The following GPRIN2 variants were observed in gnomAD, a reference collection of about 807,000 sequenced individuals.
The protein encoded by GPRIN2 is G protein-regulated inducer of neurite outgrowth 2.
Under a neutral mutation model 0.3 loss-of-function variants are expected in GPRIN2, and 1 was observed. The ratio of observed to expected loss-of-function variants is 3.90; its 90% CI spans 1.39 to 18.51. GPRIN2 has a LOEUF of 18.51. GPRIN2 is among the 30% of genes most tolerant of loss of function. The pLI is 0.11. For missense variants in GPRIN2, 880 were observed against 604.2 expected, an observed-to-expected ratio of 1.46 and a Z score of -4.79; for synonymous variants, 361 against 258.6, an observed-to-expected ratio of 1.40 and a Z score of -3.80.
chr10:46,549,397 G>A lies in GPRIN2; in HGVS notation c.1340C>T (p.Pro447Leu), dbSNP rs1334370593. ...CGCGCCGGAGCAGCCGCAGCAGCTG[G>A]GGCGCCGCAGGGACTGCATGACAGC... ...LRAVMQSLRR[P>L]SCCGCSGAAP... Residue 447 changes from proline to leucine, a missense_variant, in exon 3 of 3, where the codon CCC (proline) becomes CTC (leucine). Pro to Leu is a moderately conservative substitution (Grantham distance 98). Transcript: ENST00000374314. The A allele has an allele frequency of 6.6e-7, 1 of 1,504,956 alleles. No homozygotes were observed. The allele number at this position is 1,504,956 out of a possible 1,614,324, so 93.2% of individuals were successfully genotyped here.
At chr10:46,551,921 G>A (rs751138462) in intron 2 of GPRIN2, among the ~76,000 whole-genome samples, 4 of 152,312 alleles carry the variant, frequency 2.6e-5, no homozygotes, top group African/African-American at 7.2e-5. Context: ...AGCCTGGCCT[G>A]TGGCCTGCTC....
chr10:46,552,264 G>C (rs1432654610), intron 2 of GPRIN2, among the ~76,000 whole-genome samples: 1 of 152,296 alleles, frequency 6.6e-6, no homozygotes, highest in African/African-American at 2.4e-5. Context: ...GGGTCAAAGT[G>C]TCTGGGCCAC....
chr10:46,556,755 AC>A (rs1202760915), upstream of GPRIN2, among the ~76,000 whole-genome samples: 1 of 152,186 alleles, frequency 6.6e-6, no homozygotes, highest in African/African-American at 2.4e-5. Flanking sequence ...GGAGCCTGCC[AC>A]CGCCCCGCCG....
chr10:46,543,962 GTT>G lies in GPRIN2; in HGVS notation c.*5396_*5397del, dbSNP rs55715829. On this transcript the variant is annotated 3_prime_UTR_variant, in exon 3 of 3. Coordinates refer to ENST00000374314, the MANE Select transcript of GPRIN2 (RefSeq NM_001385282.1). ...GGCCCACGTCACTTTGGTTTCGCTTGTTTTTTTTTTTAGTAAACATCAGCTTT... is the reference window on the plus strand; with the variant it reads ...GGCCCACGTCACTTTGGTTTCGCTTGTTTTTTTTTAGTAAACATCAGCTTT... Among the ~76,000 whole-genome samples, 1 of 151,928 alleles carries G rather than the reference GTT, an allele frequency of 6.6e-6. No homozygotes were observed. The highest frequency in any genetic ancestry group is 2.4e-5 in the African/African-American group (1 of 41,308).
Position 46,547,626 on chromosome 10 carries a change from C to T in GPRIN2, c.*1734G>A, listed in dbSNP as rs1842285804. On this transcript the variant is annotated 3_prime_UTR_variant, in exon 3 of 3. Transcript: ENST00000374314. ...CTATGGCCCTGTGTGAAAGGTCCCT[C>T]CCCATGCACCCACAGCCATTTGTTC... Among the ~76,000 whole-genome samples, 2 of 152,310 alleles carry T rather than the reference C, an allele frequency of 1.3e-5. No individual in the cohort carries two copies. Among genetic ancestry groups the T allele is most frequent in the Non-Finnish European group, 2.9e-5 (2 of 68,056 alleles).
rs1232435608 is a variant in GPRIN2 at position 46,543,318 on chromosome 10, A to G, written c.*6042T>C. On this transcript the variant is annotated 3_prime_UTR_variant, in exon 3 of 3. Coordinates refer to ENST00000374314, the MANE Select transcript of GPRIN2 (RefSeq NM_001385282.1). ...TAAATCCTTGGCACAAAGCAGGAGG[A>G]GGCAGGAACAAGTACAATGGACAGT... Among the ~76,000 whole-genome samples the G allele has an allele frequency of 1.3e-5, 2 of 152,308 alleles. No homozygotes were observed. The highest frequency in any genetic ancestry group is 4.8e-5 in the African/African-American group (2 of 41,488).
Position 46,547,266 on chromosome 10 carries a change from G to T in GPRIN2, c.*2094C>A, listed in dbSNP as rs1361905237. On this transcript the variant is annotated 3_prime_UTR_variant, in exon 3 of 3. Coordinates refer to ENST00000374314, the MANE Select transcript of GPRIN2 (RefSeq NM_001385282.1). ...CCAGCCCCCAGCTGCCCACTCCATT[G>T]CCCCTAAACAGGCCCCTCCTTGGTG... Among the ~76,000 whole-genome samples the T allele has an allele frequency of 2.0e-5, 3 of 152,312 alleles. No homozygotes were observed. The highest frequency in any genetic ancestry group is 4.4e-5 in the Non-Finnish European group (3 of 68,058).
At chr10:46,552,950 A>G (rs1842778191) in intron 2 of GPRIN2, among the ~76,000 whole-genome samples, 1 of 152,310 alleles carries the variant, frequency 6.6e-6, no homozygotes. Flanking sequence ...GGACATACAA[A>G]CAAAGGAGGG....
In GPRIN2 at chr10:46,546,279, T is replaced by C. The variant is rs1204933936; in HGVS notation, c.*3081A>G. ...AAGCTATATGAAGAGAGGCTTCAGC[T>C]GTCGGGGGTCCTGAATGCCATGGAA... On this transcript the variant is annotated 3_prime_UTR_variant, in exon 3 of 3. Transcript: ENST00000374314. 2.0e-5 allele frequency among the ~76,000 whole-genome samples: 3 copies of C among 152,312 alleles called. No individual in the cohort carries two copies. Among genetic ancestry groups the C allele is most frequent in the Non-Finnish European group, 4.4e-5 (3 of 68,058 alleles).
chr10:46,549,589 C>T lies in GPRIN2; in HGVS notation c.1148G>A (p.Arg383Gln), dbSNP rs1832668904. The change falls in exon 3 of 3, where the codon CGA becomes CAA. Residue 383 changes from arginine to glutamine, a missense_variant. Coordinates refer to ENST00000374314, the MANE Select transcript of GPRIN2 (RefSeq NM_001385282.1). Reference protein sequence around the residue: ...EEVPSPVRDVRWDAEGMTWEV... With the variant: ...EEVPSPVRDVQWDAEGMTWEV... ...CCATGTCATGCCCTCAGCATCCCAT[C>T]GCACATCCCGCACAGGGGACGGCAC... The T allele has an allele frequency of 2.8e-5, 45 of 1,614,094 alleles. No homozygotes were observed. Among genetic ancestry groups the T allele is most frequent in the Middle Eastern group, 3.3e-4 (2 of 6,084 alleles).
In GPRIN2 at chr10:46,550,674, CAG is replaced by C. The variant is rs1832285821; in HGVS notation, c.61_62del (p.Leu21ValfsTer10). The C allele has an allele frequency of 1.3e-6, 2 of 1,529,442 alleles. No homozygotes were observed. Among genetic ancestry groups the C allele is most frequent in the African/African-American group, 1.4e-5 (1 of 72,312 alleles). 94.7% of individuals were successfully genotyped at this position (1,529,442 alleles called of 1,614,324 possible). On this transcript the variant is annotated frameshift_variant, in exon 3 of 3. Coordinates refer to ENST00000374314, the MANE Select transcript of GPRIN2 (RefSeq NM_001385282.1). LOFTEE classifies it low-confidence loss of function (END_TRUNC). ...CCAGCAGGCTGGAAGAGCTCTGGGA[CAG>C]GGGCTGAAGGCGGGGGCTCAGGGGT... is the stretch of plus-strand genomic sequence containing the variant. Reference protein sequence around the residue: ...WAPLSPRLQPLSQSSSSLLGE... With the variant: ...WAPLSPRLQPXSQSSSSLLGE...
At chr10:46,551,320 G>A (rs1389141584) in intron 2 of GPRIN2, 1 of 858,526 alleles carries the variant, frequency 1.2e-6, no homozygotes, top group Non-Finnish European at 1.4e-6. Context: ...ATGACCAGAG[G>A]ACACTGAGAA....
At position 46,542,981 on chromosome 10, in the gene GPRIN2, G is replaced by C. The variant is rs895711109; in HGVS notation, c.*6379C>G. 3.6e-4 allele frequency among the ~76,000 whole-genome samples: 55 copies of C among 152,298 alleles called. No homozygotes were observed. Among genetic ancestry groups the C allele is most frequent in the African/African-American group, 1.3e-3 (53 of 41,478 alleles). On this transcript the variant is annotated 3_prime_UTR_variant, in exon 3 of 3. Transcript: ENST00000374314. Reference sequence around the variant, plus strand: ...GGGCCACCAAAAGTTAGGACTGATGGGGTGCCCTTCCAGCCCGACCAAAGT... The same window carrying C: ...GGGCCACCAAAAGTTAGGACTGATGCGGTGCCCTTCCAGCCCGACCAAAGT...
intron 2 of GPRIN2, among the ~76,000 whole-genome samples, chr10:46,553,057 C>T (rs1832073161): frequency 6.6e-6 from 1 of 152,430 alleles, no homozygotes; most frequent in African/African-American, 2.4e-5. Context: ...TACATTGTCT[C>T]ATATAACTGT....
chr10:46,550,014 C>A lies in GPRIN2; in HGVS notation c.723G>T (p.Val241=). Residue 241 remains valine (V), a synonymous_variant, in exon 3 of 3, where the codon GTG becomes GTT. Coordinates refer to ENST00000374314, the MANE Select transcript of GPRIN2 (RefSeq NM_001385282.1). The part of the protein sequence containing the change: ...PAALLCGMRE[V]RAGGCCHALP... ...GGGCATGGCAGCAGCCACCAGCCCT[C>A]ACCTCCCTCATGCCACAGAGTAGAG... 1 of 1,614,006 alleles carries A rather than the reference C, an allele frequency of 6.2e-7. No homozygotes were observed. Among genetic ancestry groups the A allele is most frequent in the Non-Finnish European group, 8.5e-7 (1 of 1,179,904 alleles).
rs1424763221 is a variant in GPRIN2 at position 46,546,159 on chromosome 10, CTA to C, written c.*3199_*3200del. 6.6e-6 allele frequency among the ~76,000 whole-genome samples: 1 copy of C among 152,306 alleles called. No homozygotes were observed. Among genetic ancestry groups the C allele is most frequent in the Admixed American group, 6.5e-5 (1 of 15,294 alleles). ...ACTGTGACCTCAGACCAGCTCTACT[CTA>C]TGAGTTTCTTGTGACAGTGATGGCA... On this transcript the variant is annotated 3_prime_UTR_variant, in exon 3 of 3. Transcript: ENST00000374314.
Position 46,542,369 on chromosome 10 carries a change from A to G in GPRIN2, c.*6991T>C, listed in dbSNP as rs1227115635. 1.3e-5 allele frequency among the ~76,000 whole-genome samples: 2 copies of G among 152,308 alleles called. No homozygotes were observed. The highest frequency in any genetic ancestry group is 2.9e-5 in the Non-Finnish European group (2 of 68,056). On this transcript the variant is annotated 3_prime_UTR_variant, in exon 3 of 3. Transcript: ENST00000374314. Reference sequence around the variant, plus strand: ...GTAATCCCTATAATCCCCATGTGACAAGGGAGAGATCAGGTGGAGGTGATG... The same window carrying G: ...GTAATCCCTATAATCCCCATGTGACGAGGGAGAGATCAGGTGGAGGTGATG...
At position 46,549,598 on chromosome 10, in the gene GPRIN2, C is replaced by T. The variant is rs150696937; in HGVS notation, c.1139G>A (p.Arg380Gln). 5,373 of 1,603,596 alleles carry T rather than the reference C, an allele frequency of 3.4e-3. No homozygotes were observed. Among genetic ancestry groups the T allele is most frequent in the Middle Eastern group, 9.6e-3 (57 of 5,948 alleles). ...SSLEEVPSPV[R>Q]DVRWDAEGMT... ...GCCCTCAGCATCCCATCGCACATCC[C>T]GCACAGGGGACGGCACCTCCTCCAG... Residue 380 changes from arginine (R) to glutamine (Q), a missense_variant, in exon 3 of 3, where the codon CGG (arginine) becomes CAG (glutamine). Arg to Gln is a conservative substitution (Grantham distance 43). Coordinates refer to ENST00000374314, the MANE Select transcript of GPRIN2 (RefSeq NM_001385282.1).
At chr10:46,557,047 C>CCT (rs1405157333), upstream of GPRIN2, among the ~76,000 whole-genome samples, 2 of 147,248 alleles carry the variant, frequency 1.4e-5, no homozygotes, top group South Asian at 2.4e-4. Flanking sequence ...CTCCAGTTCC[C>CCT]CCTCCGCACC....
Sources: allele counts gnomAD v4.1 joint callset (sites outside exome capture counted in the v4.1 genomes callset), GRCh38; gene constraint gnomAD v4.1.1; transcripts MANE v1.5; gene names NCBI Gene and HGNC (gene_info 2026-07-23, HGNC 2026-07-21).